The following DYRK1A variants were observed in gnomAD, a reference collection of about 807,000 sequenced individuals.
The protein encoded by DYRK1A is dual specificity tyrosine-phosphorylation-regulated kinase 1A.
DYRK1A carries 9 observed loss-of-function variants against 79.7 expected under a neutral mutation model. The ratio of observed to expected loss-of-function variants is 0.11; its 90% CI spans 0.07 to 0.20. DYRK1A has a LOEUF of 0.20. DYRK1A is among the 10% of genes least tolerant of loss of function. The probability of loss-of-function intolerance (pLI) is 1.00; values close to 1 mark genes in which losing one functional copy is unlikely to be tolerated. For missense variants in DYRK1A, 622 were observed against 956.0 expected (o/e 0.65, Z 4.61); for synonymous variants, 349 against 329.7 (o/e 1.06, Z -0.63).
intron 3 of DYRK1A, among the ~76,000 whole-genome samples, chr21:37,473,829 C>T (rs1040222911): frequency 6.6e-6 from 1 of 152,024 alleles, no homozygotes; most frequent in Admixed American, 6.5e-5. Context: ...TTTGGCAGGA[C>T]TTAAGATTTT....
intron 2 of DYRK1A, among the ~76,000 whole-genome samples, chr21:37,451,170 A>T (rs1276063159): frequency 6.6e-6 from 1 of 152,238 alleles, no homozygotes; most frequent in East Asian, 1.9e-4. Context: ...AAAAGAATCC[A>T]AAAGTTAAAA....
intron 2 of DYRK1A, among the ~76,000 whole-genome samples, chr21:37,455,347 T>C (rs1468431229): frequency 6.6e-6 from 1 of 152,174 alleles, no homozygotes; most frequent in Non-Finnish European, 1.5e-5. Flanking sequence ...CTTACTATTT[T>C]CAATAGAATT....
At chr21:37,453,981 G>A (rs1376179802) in intron 2 of DYRK1A, among the ~76,000 whole-genome samples, 1 of 150,462 alleles carries the variant, frequency 6.6e-6, no homozygotes, top group Non-Finnish European at 1.5e-5. Context: ...ATATTTTGCA[G>A]TCAATATAAA....
At chr21:37,508,794 T>C (rs2053670016) in intron 11 of DYRK1A, among the ~76,000 whole-genome samples, 1 of 152,218 alleles carries the variant, frequency 6.6e-6, no homozygotes, top group Non-Finnish European at 1.5e-5. Flanking sequence ...TCCTGTGCTC[T>C]CAGCCTGGAA....
In DYRK1A at chr21:37,526,188, A is replaced by G. The variant is rs1255476962; in HGVS notation, c.*13657A>G. The G allele has an allele frequency of 1.3e-5, 2 of 152,204 alleles. No individual in the cohort carries two copies. The highest frequency in any genetic ancestry group is 4.8e-5 in the African/African-American group (2 of 41,438). 9.4% of individuals were successfully genotyped at this position (152,204 alleles called of 1,614,324 possible). A position where few individuals can be genotyped will look rare whatever the true frequency, so the allele number is the denominator to read the frequency against. On this transcript the variant is annotated 3_prime_UTR_variant, in exon 12 of 12. Transcript: ENST00000647188. Reference sequence around the variant, plus strand: ...CTACAGTTTGAGCAGTGTGTTAGGGACCTCAATGCAAACCCAAAAGAAATT... The same window carrying G: ...CTACAGTTTGAGCAGTGTGTTAGGGGCCTCAATGCAAACCCAAAAGAAATT...
chr21:37,477,667 T>G (rs1475929289), intron 3 of DYRK1A, among the ~76,000 whole-genome samples: 1 of 152,174 alleles, frequency 6.6e-6, no homozygotes, highest in East Asian at 1.9e-4. Context: ...CTGGAGACAT[T>G]AGGAGCTGAA....
At chr21:37,461,485 A>T (rs2051835924) in intron 2 of DYRK1A, among the ~76,000 whole-genome samples, 1 of 152,094 alleles carries the variant, frequency 6.6e-6, no homozygotes. Flanking sequence ...GGTGCTCTTT[A>T]TTCCTTTGTG....
intron 1 of DYRK1A, among the ~76,000 whole-genome samples, chr21:37,369,427 A>G (rs1186415106): frequency 1.3e-5 from 2 of 152,246 alleles, no homozygotes; most frequent in Admixed American, 6.5e-5. Flanking sequence ...AAGATTTTTT[A>G]CGCATACTTC....
chr21:37,385,933 C>T (rs951960758), intron 1 of DYRK1A, among the ~76,000 whole-genome samples: 1 of 152,122 alleles, frequency 6.6e-6, no homozygotes. Flanking sequence ...TGACAGCTCA[C>T]ATTAGCATAT....
chr21:37,398,313 G>C (rs1209976402), intron 1 of DYRK1A, among the ~76,000 whole-genome samples: 1 of 150,208 alleles, frequency 6.7e-6, no homozygotes, highest in Admixed American at 6.6e-5. Flanking sequence ...CTGCCTTCCA[G>C]CCTGGGTGAC....
At chr21:37,368,221 T>C (rs1412816332) in intron 1 of DYRK1A, 2 of 151,614 alleles carry the variant, frequency 1.3e-5, no homozygotes, top group African/African-American at 4.8e-5. Flanking sequence ...GGAGCGCGAG[T>C]GTCCCCGGCG....
intron 1 of DYRK1A, among the ~76,000 whole-genome samples, chr21:37,394,411 A>T (rs2049924396): frequency 6.6e-6 from 1 of 152,152 alleles, no homozygotes; most frequent in Non-Finnish European, 1.5e-5. Flanking sequence ...ACTCATCTTG[A>T]TACGGATCAT....
chr21:37,466,726 T>C (rs2052037424), intron 2 of DYRK1A, among the ~76,000 whole-genome samples: 1 of 152,158 alleles, frequency 6.6e-6, no homozygotes, highest in African/African-American at 2.4e-5. Flanking sequence ...ATTTGTATTA[T>C]CCAGTATAAC....
chr21:37,433,957 T>C (rs994472065), intron 2 of DYRK1A, among the ~76,000 whole-genome samples: 10 of 152,200 alleles, frequency 6.6e-5, no homozygotes, highest in African/African-American at 2.4e-4. Flanking sequence ...TTTAGAGTTA[T>C]TGATCCTTTT....
Position 37,367,658 on chromosome 21 carries a change from C to T in DYRK1A, c.-77+30C>T, listed in dbSNP as rs914197686. 20 of 145,594 alleles carry T rather than the reference C, an allele frequency of 1.4e-4. 1 individual carries two copies. Among genetic ancestry groups the T allele is most frequent in the Admixed American group, 1.3e-3 (19 of 14,808 alleles). The allele number at this position is 145,594 out of a possible 1,614,324, so 9.0% of individuals were successfully genotyped here. On this transcript the variant is annotated intron_variant, in intron 1 of 11. Transcript: ENST00000647188. ...GTGTCCGGCCCGGCCGCGGCCCCGC[C>T]CGGCCTGGCGCTCGGCTCCCCCGGC... is the stretch of plus-strand genomic sequence containing the variant.
rs188579960 is a variant in DYRK1A at position 37,370,210 on chromosome 21, A to G, written c.-77+2582A>G. 9.9e-4 allele frequency among the ~76,000 whole-genome samples: 151 copies of G among 152,328 alleles called. 1 individual carries two copies. Among genetic ancestry groups the G allele is most frequent in the African/African-American group, 3.3e-3 (137 of 41,570 alleles). ...ATACCTTGTTATAAACATGGTATAC[A>G]GTGACCTTTGGCATGCATTTTGTTT... is the stretch of plus-strand genomic sequence containing the variant. On this transcript the variant is annotated intron_variant, in intron 1 of 11. Coordinates refer to ENST00000647188, the MANE Select transcript of DYRK1A (RefSeq NM_001347721.2).
chr21:37,442,151 A>G (rs577514010), intron 2 of DYRK1A, among the ~76,000 whole-genome samples: 170 of 151,712 alleles, frequency 1.1e-3, no homozygotes, highest in Middle Eastern at 6.8e-3. Context: ...TCTGTTTATC[A>G]TTGGTTTTTA....
chr21:37,411,216 C>T (rs535594976), intron 1 of DYRK1A, among the ~76,000 whole-genome samples: 117 of 151,884 alleles, frequency 7.7e-4, no homozygotes, highest in African/African-American at 2.6e-3. Flanking sequence ...ATTAGCCAGG[C>T]GTGATGGTGT....
At chr21:37,369,450 A>G (rs1316728303) in intron 1 of DYRK1A, among the ~76,000 whole-genome samples, 3 of 152,250 alleles carry the variant, frequency 2.0e-5, no homozygotes, top group South Asian at 4.1e-4. Flanking sequence ...GTATCCCAGT[A>G]CTTTGGAGGA....
Sources: allele counts gnomAD v4.1 joint callset (sites outside exome capture counted in the v4.1 genomes callset), GRCh38; gene constraint gnomAD v4.1.1; transcripts MANE v1.5; gene names NCBI Gene and HGNC (gene_info 2026-07-23, HGNC 2026-07-21).